RBMS3: variants seen among roughly 807,000 people sequenced by gnomAD.
The protein encoded by RBMS3 is RNA-binding motif, single-stranded-interacting protein 3.
Under a neutral mutation model 66.8 loss-of-function variants are expected in RBMS3, and 27 were observed. The observed-to-expected ratio is 0.40, with a 90% CI of 0.30 to 0.56. The LOEUF is 0.56. Among genes scored for constraint, RBMS3 ranks in the 20% least tolerant of loss-of-function variants. The pLI, the probability that RBMS3 is intolerant of heterozygous loss-of-function variation, is 0.40. For synonymous variants in RBMS3, 188 were observed against 183.0 expected (o/e 1.03, Z -0.22); for missense variants, 513 against 549.5 (o/e 0.93, Z 0.66).
At chr3:29,368,839 T>C (rs897884669) in intron 1 of RBMS3, among the ~76,000 whole-genome samples, 11 of 152,086 alleles carry the variant, frequency 7.2e-5, no homozygotes, top group African/African-American at 2.4e-4. Context: ...CCCAAACGAA[T>C]ATAAATCGGT....
Position 29,395,365 on chromosome 3 carries a change from G to A in RBMS3, c.76-39378G>A, listed in dbSNP as rs577657100. Among the ~76,000 whole-genome samples, 530 of 152,300 alleles carry A rather than the reference G, an allele frequency of 3.5e-3. 5 individuals are homozygous for A. Among genetic ancestry groups the A allele is most frequent in the African/African-American group, 0.012 (503 of 41,578 alleles). ...GTATGTATTTGTAAAACGGCATGTAGGGTATGGGGAAAACACTGGGTCAGT... is the reference window on the plus strand; with the variant it reads ...GTATGTATTTGTAAAACGGCATGTAAGGTATGGGGAAAACACTGGGTCAGT... On this transcript the variant is annotated intron_variant, in intron 1 of 14. Coordinates refer to ENST00000383767, the MANE Select transcript of RBMS3 (RefSeq NM_001003793.3).
At chr3:29,298,598 T>A (rs1037453661) in intron 1 of RBMS3, among the ~76,000 whole-genome samples, 23 of 81,118 alleles carry the variant, frequency 2.8e-4, no homozygotes, top group Non-Finnish European at 6.9e-4. Flanking sequence ...GTGTTTGGCA[T>A]TTTTTTTTTC....
chr3:29,579,037 A>G (rs1259023599), intron 3 of RBMS3, among the ~76,000 whole-genome samples: 1 of 149,254 alleles, frequency 6.7e-6, no homozygotes, highest in Non-Finnish European at 1.5e-5. Flanking sequence ...TCCTGACCTC[A>G]TGATCCACCC....
intron 6 of RBMS3, among the ~76,000 whole-genome samples, chr3:29,838,293 T>C (rs2058578702): frequency 6.6e-6 from 1 of 151,150 alleles, no homozygotes; most frequent in South Asian, 2.1e-4. Context: ...GAGACATGAG[T>C]GTGCCATTGT....
At chr3:29,492,160 T>C (rs2043573147) in intron 3 of RBMS3, among the ~76,000 whole-genome samples, 1 of 152,156 alleles carries the variant, frequency 6.6e-6, no homozygotes, top group Non-Finnish European at 1.5e-5. Context: ...AATCACAACC[T>C]TCATCAAGCA....
chr3:29,665,196 G>A (rs925042621), intron 4 of RBMS3, among the ~76,000 whole-genome samples: 5 of 152,160 alleles, frequency 3.3e-5, no homozygotes, highest in Admixed American at 6.5e-5. Flanking sequence ...TATGTGTGGT[G>A]GACTATGTGG....
At chr3:29,988,022 C>A in intron 12 of RBMS3, 121 bp from the exon 13 acceptor site, 1 of 733,894 alleles carries the variant, frequency 1.4e-6, no homozygotes, top group Non-Finnish European at 2.2e-6. Context: ...GAAAATTGAG[C>A]TGGGAAAAAA....
At chr3:29,427,454 T>C (rs991375599) in intron 1 of RBMS3, among the ~76,000 whole-genome samples, 1 of 152,234 alleles carries the variant, frequency 6.6e-6, no homozygotes, top group Admixed American at 6.5e-5. Context: ...CTCTCTCACG[T>C]TGTGTTCACA....
intron 1 of RBMS3, among the ~76,000 whole-genome samples, chr3:29,293,001 G>A (rs2032946856): frequency 6.6e-6 from 1 of 151,808 alleles, no homozygotes; most frequent in African/African-American, 2.4e-5. Flanking sequence ...TAATGGTTAT[G>A]TAGACAATTA....
chr3:29,940,465 A>G (rs1465757506), intron 11 of RBMS3, among the ~76,000 whole-genome samples: 2 of 151,868 alleles, frequency 1.3e-5, no homozygotes, highest in Non-Finnish European at 2.9e-5. Flanking sequence ...AATCTAGAGT[A>G]GGAAGTGATC....
chr3:29,736,220 A>G (rs1156452340), intron 4 of RBMS3, among the ~76,000 whole-genome samples: 2 of 152,248 alleles, frequency 1.3e-5, no homozygotes, highest in Non-Finnish European at 2.9e-5. Context: ...AATTACTTAA[A>G]TAACACTCCC....
At chr3:29,295,429 A>T (rs2033192784) in intron 1 of RBMS3, among the ~76,000 whole-genome samples, 1 of 149,758 alleles carries the variant, frequency 6.7e-6, no homozygotes, top group Non-Finnish European at 1.5e-5. Context: ...ATTTCAAAGT[A>T]ATGCATATTT....
intron 3 of RBMS3, among the ~76,000 whole-genome samples, chr3:29,573,266 G>A (rs970400606): frequency 6.6e-6 from 1 of 152,048 alleles, no homozygotes; most frequent in African/African-American, 2.4e-5. Flanking sequence ...GATTACAGGT[G>A]CTTGCCACCC....
rs964067809 is a variant in RBMS3 at position 29,944,121 on chromosome 3, C to T, written c.1051-86C>T. Reference sequence around the variant, plus strand: ...GGTCAGGCAACCATATGACACACAGCGGACTCTTCCACGTGTTAGGGCTGA... The same window carrying T: ...GGTCAGGCAACCATATGACACACAGTGGACTCTTCCACGTGTTAGGGCTGA... On this transcript the variant is annotated intron_variant, in intron 11 of 14. Transcript: ENST00000383767. 10 of 1,213,034 alleles carry T rather than the reference C, an allele frequency of 8.2e-6. No homozygotes were observed. In the East Asian group the frequency reaches 9.5e-5, roughly 12 times the overall value. 75.1% of individuals were successfully genotyped at this position (1,213,034 alleles called of 1,614,324 possible).
chr3:29,377,634 T>A (rs2038546198), intron 1 of RBMS3, among the ~76,000 whole-genome samples: 1 of 152,154 alleles, frequency 6.6e-6, no homozygotes, highest in Non-Finnish European at 1.5e-5. Flanking sequence ...CCATTAAAAG[T>A]CCAAAGGAGA....
intron 2 of RBMS3, among the ~76,000 whole-genome samples, chr3:29,441,081 G>T (rs1425064784): frequency 6.6e-6 from 1 of 152,168 alleles, no homozygotes; most frequent in Admixed American, 6.5e-5. Flanking sequence ...CTGCAAGTCA[G>T]ACTCAAATTA....
intron 5 of RBMS3, among the ~76,000 whole-genome samples, chr3:29,743,807 G>C (rs1198690263): frequency 1.3e-5 from 2 of 149,974 alleles, no homozygotes; most frequent in African/African-American, 2.5e-5. Flanking sequence ...AGGTTTGTTA[G>C]ATATGTATAC....
chr3:29,356,829 A>G (rs949634631), intron 1 of RBMS3, among the ~76,000 whole-genome samples: 2 of 152,180 alleles, frequency 1.3e-5, no homozygotes, highest in South Asian at 4.1e-4. Context: ...TTAAGGGTTA[A>G]TGATAGCATT....
intron 6 of RBMS3, among the ~76,000 whole-genome samples, chr3:29,843,688 C>G (rs1332388660): frequency 6.6e-6 from 1 of 152,112 alleles, no homozygotes. Flanking sequence ...GGAGCAGTGC[C>G]TCACACCTGT....
Sources: allele counts gnomAD v4.1 joint callset (sites outside exome capture counted in the v4.1 genomes callset), GRCh38; gene constraint gnomAD v4.1.1; transcripts MANE v1.5; gene names NCBI Gene and HGNC (gene_info 2026-07-23, HGNC 2026-07-21).